The following ZBBX variants were observed in gnomAD, a reference collection of about 807,000 sequenced individuals.
ZBBX encodes the protein zinc finger B-box domain containing.
In ZBBX, 101 loss-of-function variants were observed where a neutral mutation model predicts 108.5. The observed-to-expected ratio is 0.93, with a 90% CI of 0.79 to 1.10. ZBBX has a LOEUF of 1.10. Among genes scored for constraint, ZBBX ranks in the 50% least tolerant of loss-of-function variants. The pLI is 0.00. For synonymous variants in ZBBX, 356 were observed against 323.4 expected, an observed-to-expected ratio of 1.10 and a Z score of -1.08; for missense variants, 1,009 against 941.4, an observed-to-expected ratio of 1.07 and a Z score of -0.94.
the ZBBX span, among the ~76,000 whole-genome samples, chr3:167,197,968 A>G: frequency 1.2e-4 from 19 of 152,216 alleles, no homozygotes; most frequent in Admixed American, 4.6e-4. Flanking sequence ...AGTACCATAT[A>G]AGTACCAATG....
At chr3:167,349,363 T>C (rs1434406958) in intron 9 of ZBBX, among the ~76,000 whole-genome samples, 2 of 152,122 alleles carry the variant, frequency 1.3e-5, no homozygotes, top group Non-Finnish European at 2.9e-5. Context: ...CTTATGACTA[T>C]CTGATTGTAA....
chr3:167,319,539 A>G (rs761622041), intron 12 of ZBBX, among the ~76,000 whole-genome samples: 5 of 151,976 alleles, frequency 3.3e-5, no homozygotes, highest in Admixed American at 6.6e-5. Context: ...GCTGAACCCA[A>G]TGAAAGTCAT....
chr3:167,285,138 A>T (rs575731301), intron 19 of ZBBX, among the ~76,000 whole-genome samples: 1 of 152,258 alleles, frequency 6.6e-6, no homozygotes, highest in Non-Finnish European at 1.5e-5. Flanking sequence ...TATATGCTCT[A>T]TGATTACTAA....
the ZBBX span, among the ~76,000 whole-genome samples, chr3:167,183,865 G>C: frequency 2.0e-5 from 3 of 152,022 alleles, no homozygotes; most frequent in African/African-American, 7.2e-5. Context: ...GGCCAGATTT[G>C]GGGACCTGTT....
chr3:167,243,361 G>A (rs544069489), intron 20 of ZBBX, among the ~76,000 whole-genome samples: 1 of 151,638 alleles, frequency 6.6e-6, no homozygotes, highest in South Asian at 2.1e-4. Context: ...GTTATACTAT[G>A]ATGACTGTTA....
intron 8 of ZBBX, among the ~76,000 whole-genome samples, chr3:167,353,240 C>A (rs2108508012): frequency 6.6e-6 from 1 of 152,118 alleles, no homozygotes; most frequent in South Asian, 2.1e-4. Flanking sequence ...GCTTCTCTGA[C>A]ACACTCATCA....
the ZBBX span, among the ~76,000 whole-genome samples, chr3:167,214,979 T>G: frequency 6.6e-6 from 1 of 151,932 alleles, no homozygotes; most frequent in Admixed American, 6.6e-5. Flanking sequence ...TGGGACACAG[T>G]TGAGACAGTG....
chr3:167,262,554 C>T (rs1177158155), intron 20 of ZBBX, among the ~76,000 whole-genome samples: 1 of 152,120 alleles, frequency 6.6e-6, no homozygotes, highest in Non-Finnish European at 1.5e-5. Context: ...TGGGGTTTCA[C>T]TCTTGTTGCC....
chr3:167,368,362 C>A, intron 5 of ZBBX, 99 bp downstream of exon 5: 2 of 886,232 alleles, frequency 2.3e-6, no homozygotes, highest in Non-Finnish European at 3.4e-6. Flanking sequence ...AGAAATTATC[C>A]ATCCATTAAA....
intron 9 of ZBBX, among the ~76,000 whole-genome samples, chr3:167,347,800 A>G (rs940614682): frequency 1.3e-5 from 2 of 152,058 alleles, no homozygotes; most frequent in African/African-American, 2.4e-5. Flanking sequence ...CCCCAACAGC[A>G]GCACCAAGTA....
At chr3:167,306,967 T>C (rs186915869) in intron 16 of ZBBX, among the ~76,000 whole-genome samples, 202 of 152,252 alleles carry the variant, frequency 1.3e-3, no homozygotes, top group African/African-American at 4.8e-3. Context: ...TTTATATAAC[T>C]CACCAATTTC....
rs1303832807 is a variant in ZBBX at position 167,330,871 on chromosome 3, G to GAGAAGAAGAAGAAGAAGA, written c.688-2773_688-2756dup. On this transcript the variant is annotated intron_variant, in intron 10 of 21. Coordinates refer to ENST00000675490, the MANE Select transcript of ZBBX (RefSeq NM_001199201.2). The stretch of plus-strand genomic sequence containing the variant: ...GGAGGAGGAGGAGGAGGAGGAGGAG[G>GAGAAGAAGAAGAAGAAGA]AGAAGAAGAAGAAGAAGAAGAAGAA... 3.6e-3 allele frequency among the ~76,000 whole-genome samples: 160 copies of GAGAAGAAGAAGAAGAAGA among 43,952 alleles called. 4 individuals carry two copies. The highest frequency in any genetic ancestry group is 0.011 in the Middle Eastern group (1 of 92). 28.8% of individuals were successfully genotyped at this position (43,952 alleles called of 152,430 possible).
At chr3:167,400,287 T>C (rs957417885) in intron 1 of ZBBX, among the ~76,000 whole-genome samples, 1 of 152,208 alleles carries the variant, frequency 6.6e-6, no homozygotes, top group Non-Finnish European at 1.5e-5. Context: ...CCAAACTGCT[T>C]TCTAGAGTGG....
At chr3:167,302,048 G>T (rs894975002) in intron 17 of ZBBX, among the ~76,000 whole-genome samples, 4 of 150,672 alleles carry the variant, frequency 2.7e-5, no homozygotes, top group African/African-American at 9.7e-5. Flanking sequence ...ATTGTATTAT[G>T]GTTGGAAAAC....
At chr3:167,248,055 C>T (rs1474024400) in intron 20 of ZBBX, among the ~76,000 whole-genome samples, 1 of 152,150 alleles carries the variant, frequency 6.6e-6, no homozygotes. Context: ...TAGGTTCAGC[C>T]ATCAAAGGTG....
At position 167,263,934 on chromosome 3, in the gene ZBBX, C is replaced by T. The variant is rs183163874; in HGVS notation, c.2254+18304G>A. ...TGTATATATTTGTCACCATTATACC[C>T]TCTTGCTGAATTGACCCCTTTATCA... On this transcript the variant is annotated intron_variant, in intron 20 of 21. Transcript: ENST00000675490. Among the ~76,000 whole-genome samples, 16 of 152,312 alleles carry T rather than the reference C, an allele frequency of 1.1e-4. No homozygotes were observed. The East Asian group carries it at 3.1e-3, about 29-fold the overall frequency.
intron 2 of ZBBX, among the ~76,000 whole-genome samples, chr3:167,374,377 T>C (rs1355115908): frequency 6.6e-6 from 1 of 152,188 alleles, no homozygotes; most frequent in African/African-American, 2.4e-5. Flanking sequence ...ATCCCAATTA[T>C]TCATGGTTCT....
chr3:167,322,205 G>A lies in ZBBX; in HGVS notation c.895C>T (p.Leu299=). 1 of 1,480,840 alleles carries A rather than the reference G, an allele frequency of 6.8e-7. No homozygotes were observed. Among genetic ancestry groups the A allele is most frequent in the Non-Finnish European group, 9.0e-7 (1 of 1,112,028 alleles). 91.7% of individuals were successfully genotyped at this position (1,480,840 alleles called of 1,614,324 possible). The stretch of plus-strand genomic sequence containing the variant: ...TTAAGTGGTTCTCTCCAAATTTTCA[G>A]ATTAGTCTGTACTTCGCATTCTTCC... ...SLEECEVQTN[L]KIWREPLNIE... The change falls in exon 12 of 22, where the codon CTG becomes TTG. Residue 299 remains leucine, a synonymous_variant. Coordinates refer to ENST00000675490, the MANE Select transcript of ZBBX (RefSeq NM_001199201.2).
intron 14 of ZBBX, 32 bp downstream of exon 14, chr3:167,316,973 C>A: frequency 1.5e-6 from 2 of 1,321,858 alleles, no homozygotes; most frequent in Non-Finnish European, 2.1e-6. Context: ...TGTTAAAAAT[C>A]ATGAATGGTC....
Sources: gnomAD v4.1 joint callset for allele counts (sites outside exome capture counted in the v4.1 genomes callset) on GRCh38, gnomAD v4.1.1 for gene constraint, MANE v1.5 for transcripts, NCBI Gene and HGNC (gene_info 2026-07-23, HGNC 2026-07-21) for gene names.